NIPBL: variants seen among roughly 807,000 people sequenced by gnomAD.
The protein encoded by NIPBL is NIPBL cohesin loading factor.
In NIPBL, 19 loss-of-function variants were observed where a neutral mutation model predicts 321.8. The observed-to-expected ratio is 0.06, with a 90% CI of 0.04 to 0.09. The LOEUF (loss-of-function observed/expected upper bound fraction) is 0.09. Among genes scored for constraint, NIPBL ranks in the 10% least tolerant of loss-of-function variants. NIPBL has a pLI of 1.00. For missense variants in NIPBL, 2,210 were observed against 3,327.0 expected (o/e 0.66, Z 8.26); for synonymous variants, 1,106 against 1,114.1 (o/e 0.99, Z 0.14).
chr5:37,057,467 C>A (rs1025083585), intron 43 of NIPBL, 135 bp downstream of exon 43: 2 of 843,046 alleles, frequency 2.4e-6, no homozygotes, highest in Non-Finnish European at 3.7e-6. Flanking sequence ...TTAATGAAAT[C>A]TGGGCAATAC....
intron 1 of NIPBL, among the ~76,000 whole-genome samples, chr5:36,890,881 C>T (rs989025934): frequency 2.6e-5 from 4 of 152,216 alleles, no homozygotes; most frequent in Non-Finnish European, 5.9e-5. Flanking sequence ...TGAACATGGT[C>T]ATGATCTCAT....
rs1305210483 is a variant in NIPBL at position 37,030,602 on chromosome 5, T to C, written c.5862+3190T>C. Among the ~76,000 whole-genome samples, 3 of 152,112 alleles carry C rather than the reference T, an allele frequency of 2.0e-5. No homozygotes were observed. In the East Asian group the frequency reaches 5.8e-4, roughly 29 times the overall value. On this transcript the variant is annotated intron_variant, in intron 32 of 46. Coordinates refer to ENST00000282516, the MANE Select transcript of NIPBL (RefSeq NM_133433.4). ...TTCTAATTTTTATTTTTGGATTGGG[T>C]TTTTGGGGTTTGTTGTTGTTGTTTG...
At chr5:37,048,434 C>A in intron 38 of NIPBL, 68 bp from the exon 39 acceptor site, 630 of 899,212 alleles carry the variant, frequency 7.0e-4, no homozygotes, top group Middle Eastern at 2.5e-3. Context: ...AATTTATTAA[C>A]ATATTTATTA....
intron 8 of NIPBL, among the ~76,000 whole-genome samples, chr5:36,975,191 C>T (rs1402181064): frequency 6.6e-6 from 1 of 151,862 alleles, no homozygotes; most frequent in Non-Finnish European, 1.5e-5. Context: ...AAAGAGAAGA[C>T]CACATAAAAG....
At chr5:36,880,993 C>G (rs1310095126) in intron 1 of NIPBL, among the ~76,000 whole-genome samples, 1 of 151,946 alleles carries the variant, frequency 6.6e-6, no homozygotes, top group Non-Finnish European at 1.5e-5. Context: ...TGTGTGAGCT[C>G]TGGTCTTGAA....
At chr5:36,885,479 T>C in intron 1 of NIPBL, 1 of 491,296 alleles carries the variant, frequency 2.0e-6, no homozygotes, top group Non-Finnish European at 4.0e-6. Flanking sequence ...CCACCTGGCC[T>C]CCTACCTGGA....
At chr5:36,882,099 A>G (rs903171614) in intron 1 of NIPBL, among the ~76,000 whole-genome samples, 2 of 151,990 alleles carry the variant, frequency 1.3e-5, no homozygotes, top group East Asian at 1.9e-4. Context: ...TTGTGCGCTT[A>G]TTCCAGAACT....
intron 34 of NIPBL, among the ~76,000 whole-genome samples, chr5:37,042,264 G>A (rs1411323635): frequency 1.1e-4 from 16 of 145,208 alleles, no homozygotes; most frequent in East Asian, 1.1e-3. Context: ...GTGAAACCCT[G>A]TCTCTACTAA....
chr5:36,912,968 CTG>C (rs1387311415), intron 1 of NIPBL, among the ~76,000 whole-genome samples: 1 of 152,086 alleles, frequency 6.6e-6, no homozygotes, highest in Non-Finnish European at 1.5e-5. Context: ...TTGAGGAACA[CTG>C]TGAAAAACAA....
chr5:36,896,609 G>C (rs573464113), intron 1 of NIPBL, among the ~76,000 whole-genome samples: 1 of 152,134 alleles, frequency 6.6e-6, no homozygotes, highest in East Asian at 1.9e-4. Context: ...TGTTTTGTTT[G>C]TTTGTTTTGA....
chr5:36,996,713 A>G lies in NIPBL; in HGVS notation c.3304+909A>G, dbSNP rs759992488. The G allele has an allele frequency of 8.8e-5, 29 of 328,274 alleles. No homozygotes were observed. Among genetic ancestry groups the G allele is most frequent in the Middle Eastern group, 1.1e-3 (1 of 888 alleles). The allele number at this position is 328,274 out of a possible 1,614,324, so 20.3% of individuals were successfully genotyped here. A position where few individuals can be genotyped will look rare whatever the true frequency, so the allele number is the denominator to read the frequency against. On this transcript the variant is annotated intron_variant, in intron 11 of 46. Coordinates refer to ENST00000282516, the MANE Select transcript of NIPBL (RefSeq NM_133433.4). This position sits in a 1 kb window ranked among gnomAD's most constrained non-coding sequence, Gnocchi z 5.0. ...ATGGGAGATCTTCACTTGTGTGCCA[A>G]CTGACTTAGTCATAATGACCAAAAG...
At chr5:37,004,856 GT>G (rs1477063694) in intron 16 of NIPBL, among the ~76,000 whole-genome samples, 1 of 152,126 alleles carries the variant, frequency 6.6e-6, no homozygotes, top group Admixed American at 6.5e-5. Context: ...TCATGTATAC[GT>G]ATGTAGTATA....
chr5:36,980,418 C>T (rs766309145), intron 9 of NIPBL, among the ~76,000 whole-genome samples: 14 of 151,606 alleles, frequency 9.2e-5, no homozygotes, highest in Non-Finnish European at 1.6e-4. Context: ...CCTCTTATTT[C>T]GTGGATTTAT....
At chr5:36,879,864 AATAG>A (rs1009815291) in intron 1 of NIPBL, among the ~76,000 whole-genome samples, 3 of 152,096 alleles carry the variant, frequency 2.0e-5, no homozygotes, top group Admixed American at 2.0e-4. Flanking sequence ...TTGAACATTA[AATAG>A]ATAATTTTCA....
intron 34 of NIPBL, among the ~76,000 whole-genome samples, chr5:37,041,810 CTACTGTGGCCTCCCA>C (rs1752413497): frequency 6.6e-6 from 1 of 151,696 alleles, no homozygotes; most frequent in Admixed American, 6.6e-5. Context: ...AGTGATCTGC[CTACTGTGGCCTCCCA>C]AAGAGCCGGG....
chr5:37,039,497 C>T (rs1000408200), intron 34 of NIPBL, among the ~76,000 whole-genome samples: 3 of 151,858 alleles, frequency 2.0e-5, no homozygotes, highest in Non-Finnish European at 2.9e-5. Context: ...TAGTGAGTTA[C>T]GTGGTTTACA....
rs1337064116 is a variant in NIPBL, at chr5:37,044,828, T to A, written c.6343+99T>A. ...GATAAAAGGCTAGACTCGAGGAAAT[T>A]ATGAGGTGTGATTATCCACCGTGGT... is the stretch of plus-strand genomic sequence containing the variant. On this transcript the variant is annotated intron_variant, in intron 36 of 46. Transcript: ENST00000282516. 13 of 839,118 alleles carry A rather than the reference T, an allele frequency of 1.5e-5. No homozygotes were observed. The Admixed American group carries it at 1.8e-4, about 12-fold the overall frequency. The allele number at this position is 839,118 out of a possible 1,614,324, so 52.0% of individuals were successfully genotyped here. A position where few individuals can be genotyped will look rare whatever the true frequency, so the allele number is the denominator to read the frequency against.
rs1755325354 is a variant in NIPBL at position 37,066,122 on chromosome 5, T to G, written c.*1230T>G. ...CTTGGGAACAGTTGTCATTTACACA[T>G]TACTTACTGCAGATATCTTGACTAA... On this transcript the variant is annotated 3_prime_UTR_variant, in exon 47 of 47. Coordinates refer to ENST00000282516, the MANE Select transcript of NIPBL (RefSeq NM_133433.4). The G allele has an allele frequency of 6.6e-6, 1 of 152,188 alleles. No homozygotes were observed. Among genetic ancestry groups the G allele is most frequent in the South Asian group, 2.1e-4 (1 of 4,820 alleles). The allele number at this position is 152,188 out of a possible 1,614,324, so 9.4% of individuals were successfully genotyped here.
Position 37,000,519 on chromosome 5 carries a change from C to G in NIPBL, c.3451C>G (p.Pro1151Ala). 1 of 1,613,460 alleles carries G rather than the reference C, an allele frequency of 6.2e-7. No individual in the cohort carries two copies. The highest frequency in any genetic ancestry group is 8.5e-7 in the Non-Finnish European group (1 of 1,179,552). Reference protein sequence around the residue: ...SGGGRYRNRSPSDSDMEDYSP... With the variant: ...SGGGRYRNRSASDSDMEDYSP... Reference sequence around the variant, plus strand: ...TGGTGGTCGTTATCGAAACCGAAGTCCGTCAGATTCTGACATGGAAGATTA... The same window carrying G: ...TGGTGGTCGTTATCGAAACCGAAGTGCGTCAGATTCTGACATGGAAGATTA... The change falls in exon 12 of 47, where the codon CCG becomes GCG. Residue 1151 changes from proline (P) to alanine (A), a missense_variant. Around this residue, in one of 14 missense-constraint regions of NIPBL, gnomAD observed 381 missense variants for 642.3 expected, o/e 0.59. Transcript: ENST00000282516.
Sources: allele counts gnomAD v4.1 joint callset (sites outside exome capture counted in the v4.1 genomes callset), GRCh38; gene constraint gnomAD v4.1.1; regional missense constraint gnomAD v4.1.1; non-coding constraint Gnocchi (gnomAD v3.1); transcripts MANE v1.5; gene names NCBI Gene and HGNC (gene_info 2026-07-23, HGNC 2026-07-21).